The following ATAD2B variants were observed in gnomAD, a reference collection of about 807,000 sequenced individuals.
ATAD2B encodes the protein ATPase family AAA domain containing 2B, also known as ATPase family AAA domain-containing protein 2B.
In ATAD2B, 40 loss-of-function variants were observed where a neutral mutation model predicts 167.6. The ratio of observed to expected loss-of-function variants is 0.24; its 90% CI spans 0.19 to 0.31. ATAD2B has a LOEUF of 0.31. Ranked by LOEUF, ATAD2B falls within the 10% of genes least tolerant of loss-of-function variation. The probability of loss-of-function intolerance (pLI) is 1.00; values close to 1 mark genes in which losing one functional copy is unlikely to be tolerated. For missense variants in ATAD2B, 1,242 were observed against 1,757.2 expected (o/e 0.71, Z 5.24); for synonymous variants, 579 against 596.5 (o/e 0.97, Z 0.43).
At chr2:23,795,121 T>G (rs1171320784) in intron 19 of ATAD2B, among the ~76,000 whole-genome samples, 2 of 151,752 alleles carry the variant, frequency 1.3e-5, no homozygotes, top group African/African-American at 2.4e-5. Flanking sequence ...ATTTTCTGAT[T>G]ATAATGATAG....
At chr2:23,733,848 G>A in the ATAD2B span, among the ~76,000 whole-genome samples, 1 of 152,106 alleles carries the variant, frequency 6.6e-6, no homozygotes, top group Non-Finnish European at 1.5e-5. Flanking sequence ...CTGGAATATA[G>A]GAACAATATC....
intron 2 of ATAD2B, among the ~76,000 whole-genome samples, chr2:23,892,210 C>A (rs1480259505): frequency 6.6e-6 from 1 of 152,166 alleles, no homozygotes; most frequent in Admixed American, 6.5e-5. Flanking sequence ...GTGGCCCAGG[C>A]TGGAGTGCAG....
In ATAD2B at chr2:23,771,564, T is replaced by C. The variant is rs1678330901; in HGVS notation, c.3134-5936A>G. Among the ~76,000 whole-genome samples the C allele has an allele frequency of 2.6e-5, 4 of 152,232 alleles. No individual in the cohort carries two copies. The South Asian group carries it at 6.2e-4, about 24-fold the overall frequency. ...GTCTGCTGACCCCTGGTTTAGAGCATCTACTTTTAATGTGATGTATGTGAT... is the reference window on the plus strand; with the variant it reads ...GTCTGCTGACCCCTGGTTTAGAGCACCTACTTTTAATGTGATGTATGTGAT... On this transcript the variant is annotated intron_variant, in intron 22 of 27. Coordinates refer to ENST00000238789, the MANE Select transcript of ATAD2B (RefSeq NM_017552.4).
At chr2:23,684,467 G>C in the ATAD2B span, 1 of 1,551,022 alleles carries the variant, frequency 6.4e-7, no homozygotes, top group Non-Finnish European at 8.7e-7. The surrounding 1 kb of genome is among the most constrained non-coding windows in gnomAD (Gnocchi z 4.4). Flanking sequence ...TGTTGTTGAA[G>C]GCAGAGAGTT....
rs750297743 is a variant in ATAD2B at position 23,864,881 on chromosome 2, G to A, written c.1232C>T (p.Ala411Val). ...SIGGLSHHIH[A>V]LKEMVVFPLL... ...TGGGAATACTACCATTTCCTTTAGC[G>A]CATGAATATGATGGCTCAATCCACC... The change falls in exon 11 of 28, where the codon GCG becomes GTG. Residue 411 changes from alanine (A) to valine (V), a missense_variant. Physicochemically the swap from Ala to Val is moderately conservative, Grantham distance 64. Around this residue, in one of 9 missense-constraint regions of ATAD2B, gnomAD observed 127 missense variants for 146.3 expected, o/e 0.87. Coordinates refer to ENST00000238789, the MANE Select transcript of ATAD2B (RefSeq NM_017552.4). The A allele has an allele frequency of 3.1e-6, 5 of 1,597,508 alleles. No homozygotes were observed. The highest frequency in any genetic ancestry group is 1.1e-5 in the South Asian group (1 of 87,108).
At chr2:23,902,785 G>A (rs1700989991) in intron 1 of ATAD2B, among the ~76,000 whole-genome samples, 1 of 152,124 alleles carries the variant, frequency 6.6e-6, no homozygotes, top group South Asian at 2.1e-4. Context: ...ACTACTTGAG[G>A]CCAAGCACAG....
the ATAD2B span, among the ~76,000 whole-genome samples, chr2:23,702,504 T>C: frequency 6.6e-6 from 1 of 152,160 alleles, no homozygotes; most frequent in Non-Finnish European, 1.5e-5. Context: ...AATGCCACCT[T>C]TGCCTACTGC....
At chr2:23,904,890 C>T (rs1701293863) in intron 1 of ATAD2B, among the ~76,000 whole-genome samples, 1 of 152,088 alleles carries the variant, frequency 6.6e-6, no homozygotes, top group African/African-American at 2.4e-5. Context: ...CTGCAAAAAA[C>T]AAAACTCTGC....
downstream of ATAD2B, among the ~76,000 whole-genome samples, chr2:23,744,145 T>C (rs1674671107): frequency 6.6e-6 from 1 of 152,170 alleles, no homozygotes; most frequent in South Asian, 2.1e-4. Flanking sequence ...TGAGGGCAGA[T>C]ATTACTATAT....
chr2:23,714,406 A>ATTT, the ATAD2B span, among the ~76,000 whole-genome samples: 73,690 of 138,872 alleles, frequency 0.53, 20,198 homozygotes, highest in East Asian at 0.77. Context: ...CGCCCGGCAA[A>ATTT]TTTTTTTTTT....
chr2:23,727,365 C>T, the ATAD2B span, among the ~76,000 whole-genome samples: 1 of 152,236 alleles, frequency 6.6e-6, no homozygotes, highest in East Asian at 1.9e-4. Flanking sequence ...ATTAAAACAA[C>T]AAAACACTAC....
the ATAD2B span, among the ~76,000 whole-genome samples, chr2:23,684,748 A>ACAGCTTTGCTGTCAC: frequency 2.6e-5 from 4 of 151,636 alleles, no homozygotes; most frequent in African/African-American, 7.3e-5. This position sits in a 1 kb window ranked among gnomAD's most constrained non-coding sequence, Gnocchi z 4.4. Flanking sequence ...GCCCCCACCC[A>ACAGCTTTGCTGTCAC]CAGCTTTGCT....
chr2:23,709,649 A>G, the ATAD2B span, among the ~76,000 whole-genome samples: 4 of 152,072 alleles, frequency 2.6e-5, no homozygotes, highest in South Asian at 8.3e-4. Context: ...CAAAAAAAAA[A>G]AAATCGGAAG....
At chr2:23,780,242 T>C (rs956290400) in intron 22 of ATAD2B, among the ~76,000 whole-genome samples, 1 of 141,840 alleles carries the variant, frequency 7.1e-6, no homozygotes, top group African/African-American at 2.8e-5. Flanking sequence ...AACAAGATGC[T>C]GTCTCCAAAA....
chr2:23,688,953 A>G, the ATAD2B span: 2 of 152,012 alleles, frequency 1.3e-5, no homozygotes, highest in Non-Finnish European at 2.9e-5. Flanking sequence ...GTTCAGAGAG[A>G]AGAGGCCTAA....
At chr2:23,877,081 A>G (rs1474860274) in intron 7 of ATAD2B, among the ~76,000 whole-genome samples, 8 of 151,316 alleles carry the variant, frequency 5.3e-5, no homozygotes, top group East Asian at 3.9e-4. Flanking sequence ...AAAAAAAAAA[A>G]AAAGAAAGAA....
At chr2:23,688,402 G>A in the ATAD2B span, among the ~76,000 whole-genome samples, 2 of 152,178 alleles carry the variant, frequency 1.3e-5, no homozygotes, top group African/African-American at 4.8e-5. Flanking sequence ...GTTCCAACTT[G>A]CAAAATGAAA....
At chr2:23,849,151 G>A (rs1230353082) in intron 13 of ATAD2B, among the ~76,000 whole-genome samples, 3 of 151,962 alleles carry the variant, frequency 2.0e-5, no homozygotes, top group Non-Finnish European at 4.4e-5. Context: ...ATTAAACATT[G>A]ACTAAACAGT....
chr2:23,804,117 C>T (rs957582366), intron 18 of ATAD2B, among the ~76,000 whole-genome samples: 5 of 152,128 alleles, frequency 3.3e-5, no homozygotes, highest in African/African-American at 7.2e-5. Flanking sequence ...CTGACTCATG[C>T]ACTCTCTTCC....
Sources: allele counts gnomAD v4.1 joint callset (sites outside exome capture counted in the v4.1 genomes callset), GRCh38; gene constraint gnomAD v4.1.1; regional missense constraint gnomAD v4.1.1; non-coding constraint Gnocchi (gnomAD v3.1); transcripts MANE v1.5; gene names NCBI Gene and HGNC (gene_info 2026-07-23, HGNC 2026-07-21).